The following CSMD1 variants were observed in gnomAD, a reference collection of about 807,000 sequenced individuals.
CSMD1 encodes CUB and Sushi multiple domains 1, also known as CUB and sushi domain-containing protein 1.
A neutral mutation model predicts 417.5 loss-of-function variants in CSMD1; 213 were observed. The ratio of observed to expected loss-of-function variants is 0.51; its 90% CI spans 0.46 to 0.57. The LOEUF is 0.57. Among genes scored for constraint, CSMD1 ranks in the 20% least tolerant of loss-of-function variants. The pLI is 0.00. For missense variants in CSMD1, 6,923 were observed against 4,529.7 expected, an observed-to-expected ratio of 1.53 and a Z score of -15.17; for synonymous variants, 2,862 against 1,736.8, an observed-to-expected ratio of 1.65 and a Z score of -16.11.
intron 12 of CSMD1, among the ~76,000 whole-genome samples, chr8:3,415,663 T>C (rs912678676): frequency 2.0e-5 from 3 of 152,182 alleles, no homozygotes; most frequent in African/African-American, 7.2e-5. Context: ...CCTGGCCTTG[T>C]ATGTCACATT....
At chr8:3,974,831 A>T (rs1220423224) in intron 5 of CSMD1, among the ~76,000 whole-genome samples, 2 of 152,150 alleles carry the variant, frequency 1.3e-5, no homozygotes, top group Non-Finnish European at 2.9e-5. Flanking sequence ...GATGCAATTA[A>T]TGTTTTACCA....
intron 3 of CSMD1, among the ~76,000 whole-genome samples, chr8:4,408,251 C>G (rs931549023): frequency 2.6e-5 from 4 of 152,120 alleles, no homozygotes; most frequent in African/African-American, 9.7e-5. Context: ...TTTCTCTCTC[C>G]TCAGAGGATA....
At chr8:4,330,596 A>AAAG in intron 3 of CSMD1, among the ~76,000 whole-genome samples, 1 of 151,882 alleles carries the variant, frequency 6.6e-6, no homozygotes, top group African/African-American at 2.4e-5. Flanking sequence ...TCTCAAAAAA[A>AAAG]AAAAAAGTAT....
At chr8:4,949,670 G>C (rs1161645897) in intron 1 of CSMD1, among the ~76,000 whole-genome samples, 1 of 152,168 alleles carries the variant, frequency 6.6e-6, no homozygotes, top group African/African-American at 2.4e-5. Flanking sequence ...CCAAGGCTGA[G>C]AAATACTGCA....
At chr8:4,485,203 C>T (rs1801314416) in intron 2 of CSMD1, among the ~76,000 whole-genome samples, 1 of 152,056 alleles carries the variant, frequency 6.6e-6, no homozygotes, top group African/African-American at 2.4e-5. Context: ...AATACTTCTT[C>T]ACCTCTAGGA....
At chr8:3,326,394 G>A (rs1023519965) in intron 23 of CSMD1, among the ~76,000 whole-genome samples, 1 of 152,172 alleles carries the variant, frequency 6.6e-6, no homozygotes, top group Admixed American at 6.5e-5. Flanking sequence ...GAAGATTTAT[G>A]TCCTGTTTTT....
chr8:3,018,588 A>G lies in CSMD1; in HGVS notation c.7918T>C (p.Tyr2640His). ...NGNKIGTLTV[Y>H]GATAIFTCNT... ...CACGTAAATATAGCTGTGGCCCCAT[A>G]AACTGTCAACGTTCCAATCTTGTTG... is the stretch of plus-strand genomic sequence containing the variant. Residue 2640 changes from tyrosine to histidine, a missense_variant, in exon 52 of 70, where the codon TAT becomes CAT. By Grantham distance (83) the Tyr-to-His change is moderately conservative (BLOSUM62 2). Coordinates refer to ENST00000635120, the MANE Select transcript of CSMD1 (RefSeq NM_033225.6). The G allele has an allele frequency of 6.2e-7, 1 of 1,613,694 alleles. No individual in the cohort carries two copies. Among genetic ancestry groups the G allele is most frequent in the African/African-American group, 1.3e-5 (1 of 74,948 alleles).
At chr8:4,339,488 G>C (rs1800356248) in intron 3 of CSMD1, among the ~76,000 whole-genome samples, 1 of 152,068 alleles carries the variant, frequency 6.6e-6, no homozygotes, top group Non-Finnish European at 1.5e-5. Flanking sequence ...CTGGAGCTGA[G>C]TGACAAAGAG....
At chr8:4,795,134 A>G (rs1224411263) in intron 1 of CSMD1, among the ~76,000 whole-genome samples, 1 of 152,098 alleles carries the variant, frequency 6.6e-6, no homozygotes, top group Non-Finnish European at 1.5e-5. Flanking sequence ...AACAGTAGAC[A>G]GAAACTGGTA....
intron 5 of CSMD1, among the ~76,000 whole-genome samples, chr8:3,951,608 C>T (rs1003614700): frequency 6.6e-6 from 1 of 151,966 alleles, no homozygotes; most frequent in African/African-American, 2.4e-5. Flanking sequence ...AATACTACTA[C>T]TCTAGGAAAC....
intron 4 of CSMD1, among the ~76,000 whole-genome samples, chr8:3,998,485 G>T (rs958187200): frequency 1.3e-5 from 2 of 152,144 alleles, no homozygotes; most frequent in Non-Finnish European, 2.9e-5. Flanking sequence ...AAAAACATGT[G>T]GGCGTTTATT....
In CSMD1 at chr8:3,838,847, ACT is replaced by A. The variant is rs1381211809; in HGVS notation, c.819-84807_819-84806del. 3.7e-4 allele frequency among the ~76,000 whole-genome samples: 45 copies of A among 121,118 alleles called. 1 individual carries two copies. The highest frequency in any genetic ancestry group is 1.4e-3 in the African/African-American group (40 of 29,616). 79.5% of individuals were successfully genotyped at this position (121,118 alleles called of 152,430 possible). ...TTAATATATAATATTAATTATATAT[ACT>A]ATTATATATACTATTAATTATATAT... On this transcript the variant is annotated intron_variant, in intron 5 of 69. Transcript: ENST00000635120.
chr8:3,901,516 G>A (rs922378654), intron 5 of CSMD1, among the ~76,000 whole-genome samples: 2 of 152,132 alleles, frequency 1.3e-5, no homozygotes, highest in African/African-American at 2.4e-5. Context: ...AGGGAGCCAC[G>A]CTTTGGAACA....
intron 1 of CSMD1, among the ~76,000 whole-genome samples, chr8:4,947,749 A>G (rs1301785217): frequency 6.6e-6 from 1 of 152,124 alleles, no homozygotes; most frequent in African/African-American, 2.4e-5. Flanking sequence ...TTGATACATT[A>G]TAAAACTAGT....
intron 2 of CSMD1, among the ~76,000 whole-genome samples, chr8:4,474,094 G>A (rs888749190): frequency 1.3e-5 from 2 of 151,866 alleles, no homozygotes; most frequent in African/African-American, 4.8e-5. Flanking sequence ...CAATCTAAAC[G>A]AACATACACA....
intron 27 of CSMD1, among the ~76,000 whole-genome samples, chr8:3,228,356 T>TA (rs1312375112): frequency 2.6e-5 from 4 of 152,340 alleles, no homozygotes; most frequent in South Asian, 4.1e-4. Context: ...ACCTCATTCC[T>TA]AAAAAACAGA....
intron 5 of CSMD1, among the ~76,000 whole-genome samples, chr8:3,991,910 T>G (rs550109831): frequency 6.6e-6 from 1 of 152,286 alleles, no homozygotes; most frequent in South Asian, 2.1e-4. Flanking sequence ...CAAGTAGCAG[T>G]AGCAACTATT....
intron 26 of CSMD1, among the ~76,000 whole-genome samples, chr8:3,280,248 G>A (rs1291967922): frequency 1.3e-5 from 2 of 152,170 alleles, no homozygotes; most frequent in African/African-American, 4.8e-5. Flanking sequence ...GAAAATAAAT[G>A]ACATCCAGCG....
chr8:3,914,503 T>C (rs2554680), intron 5 of CSMD1, among the ~76,000 whole-genome samples: 4,693 of 152,324 alleles, frequency 0.031, 241 homozygotes, highest in African/African-American at 0.11. Flanking sequence ...GTGCAATCTG[T>C]GTAAAGTTTA....
Sources: allele counts gnomAD v4.1 joint callset (sites outside exome capture counted in the v4.1 genomes callset), GRCh38; gene constraint gnomAD v4.1.1; transcripts MANE v1.5; gene names NCBI Gene and HGNC (gene_info 2026-07-23, HGNC 2026-07-21).